PCCA: variants seen among roughly 807,000 people sequenced by gnomAD.
PCCA encodes the protein propionyl-CoA carboxylase subunit alpha, also known as propionyl-CoA carboxylase alpha chain, mitochondrial.
PCCA carries 74 observed loss-of-function variants against 101.3 expected under a neutral mutation model. The observed-to-expected ratio is 0.73, with a 90% CI of 0.61 to 0.89. PCCA has a LOEUF of 0.89. Among genes scored for constraint, PCCA ranks in the 40% least tolerant of loss-of-function variants. PCCA has a pLI of 0.00. For synonymous variants in PCCA, 294 were observed against 313.6 expected, an observed-to-expected ratio of 0.94 and a Z score of 0.66; for missense variants, 891 against 907.0, an observed-to-expected ratio of 0.98 and a Z score of 0.23.
At chr13:100,423,794 G>A (rs2078973375) in intron 19 of PCCA, among the ~76,000 whole-genome samples, 1 of 152,208 alleles carries the variant, frequency 6.6e-6, no homozygotes, top group Non-Finnish European at 1.5e-5. Flanking sequence ...CTGCTGAGGT[G>A]AGGTCTGGGA....
At chr13:100,103,581 G>A (rs1184843737) in intron 2 of PCCA, among the ~76,000 whole-genome samples, 2 of 151,046 alleles carry the variant, frequency 1.3e-5, no homozygotes, top group Non-Finnish European at 2.9e-5. Flanking sequence ...CAAAGTGCTG[G>A]GATTTCAGGC....
At chr13:100,468,244 G>C (rs2082693187) in intron 21 of PCCA, among the ~76,000 whole-genome samples, 1 of 152,108 alleles carries the variant, frequency 6.6e-6, no homozygotes, top group Admixed American at 6.5e-5. Flanking sequence ...GTACAGGTAG[G>C]GTAGACTTAG....
intron 20 of PCCA, among the ~76,000 whole-genome samples, chr13:100,439,215 T>C (rs2080167571): frequency 6.6e-6 from 1 of 152,208 alleles, no homozygotes; most frequent in Non-Finnish European, 1.5e-5. Context: ...TCCCCCTTAA[T>C]GTCAACCACA....
chr13:100,425,803 T>C (rs533634159), intron 20 of PCCA, 72 bp downstream of exon 20: 37 of 935,728 alleles, frequency 4.0e-5, no homozygotes, highest in South Asian at 1.2e-4. Context: ...GTGTGGCTAA[T>C]ACTTAGAGCT....
At chr13:100,298,541 C>G (rs1280791479) in intron 12 of PCCA, among the ~76,000 whole-genome samples, 1 of 150,476 alleles carries the variant, frequency 6.6e-6, no homozygotes, top group Non-Finnish European at 1.5e-5. Context: ...CAATTTTTGA[C>G]TTTTTTGTTT....
At chr13:100,433,316 A>G (rs947360941) in intron 20 of PCCA, among the ~76,000 whole-genome samples, 1 of 152,180 alleles carries the variant, frequency 6.6e-6, no homozygotes, top group Non-Finnish European at 1.5e-5. Flanking sequence ...TTTTTTAATA[A>G]TAGCCATCCT....
chr13:100,497,016 C>T (rs1052586066), intron 21 of PCCA, among the ~76,000 whole-genome samples: 3 of 152,156 alleles, frequency 2.0e-5, no homozygotes, highest in East Asian at 3.9e-4. Context: ...CTTGTTCTCA[C>T]GGGAGGCTGG....
chr13:100,433,295 G>A (rs1044353135), intron 20 of PCCA, among the ~76,000 whole-genome samples: 2 of 152,148 alleles, frequency 1.3e-5, no homozygotes, highest in African/African-American at 4.8e-5. Flanking sequence ...GTTATTTTCT[G>A]TTTTGTTTTG....
chr13:100,330,487 A>C (rs2069384903), intron 16 of PCCA, 74 bp from the exon 17 acceptor site: 7 of 893,830 alleles, frequency 7.8e-6, no homozygotes, highest in Middle Eastern at 5.4e-4. Flanking sequence ...AGTGATGATA[A>C]ATTTCTCCAG....
At chr13:100,299,167 T>C (rs1005783557) in intron 12 of PCCA, among the ~76,000 whole-genome samples, 4 of 152,178 alleles carry the variant, frequency 2.6e-5, no homozygotes, top group African/African-American at 9.6e-5. Context: ...TGCTTCTAAT[T>C]TGAATTACTT....
chr13:100,403,459 C>T (rs1200090488), intron 19 of PCCA, among the ~76,000 whole-genome samples: 1 of 152,060 alleles, frequency 6.6e-6, no homozygotes, highest in African/African-American at 2.4e-5. Flanking sequence ...AGGGAGCTTC[C>T]AATCACGGTG....
intron 4 of PCCA, among the ~76,000 whole-genome samples, chr13:100,123,025 T>C (rs1308862270): frequency 6.6e-6 from 1 of 152,210 alleles, no homozygotes; most frequent in Non-Finnish European, 1.5e-5. Context: ...AATAAGAAGA[T>C]TGTATTGAGT....
intron 12 of PCCA, among the ~76,000 whole-genome samples, chr13:100,295,330 A>G (rs575833423): frequency 6.6e-6 from 1 of 152,330 alleles, no homozygotes; most frequent in South Asian, 2.1e-4. Context: ...ATTTTATGTA[A>G]TGGGACAGTT....
At chr13:100,412,635 G>T (rs1213199949) in intron 19 of PCCA, among the ~76,000 whole-genome samples, 1 of 152,126 alleles carries the variant, frequency 6.6e-6, no homozygotes, top group African/African-American at 2.4e-5. Flanking sequence ...ACAAGTGCAT[G>T]CTTTATTATG....
chr13:100,275,050 AG>A (rs2063547726), intron 12 of PCCA, among the ~76,000 whole-genome samples: 2 of 852 alleles, frequency 2.3e-3, no homozygotes, highest in Admixed American at 0.011. Context: ...CCCTTGGGGG[AG>A]GGGGTGGGGG....
chr13:100,366,268 G>A (rs1228041565), intron 18 of PCCA, among the ~76,000 whole-genome samples: 1 of 152,126 alleles, frequency 6.6e-6, no homozygotes, highest in Admixed American at 6.5e-5. Context: ...GATAGGCGTA[G>A]TCCAGGGACA....
At chr13:100,412,985 T>G (rs1468529280) in intron 19 of PCCA, among the ~76,000 whole-genome samples, 1 of 152,214 alleles carries the variant, frequency 6.6e-6, no homozygotes, top group Admixed American at 6.5e-5. Flanking sequence ...TGTATTATAA[T>G]GTAAAATATA....
intron 4 of PCCA, among the ~76,000 whole-genome samples, chr13:100,120,222 A>G (rs928398633): frequency 2.1e-5 from 3 of 141,730 alleles, no homozygotes; most frequent in East Asian, 4.1e-4. Context: ...TCTGTTGCCC[A>G]GGCTGGAGTG....
intron 19 of PCCA, among the ~76,000 whole-genome samples, chr13:100,392,997 G>GGCTCCTGCTTCTCTTTTTACTA (rs562242845): frequency 0.012 from 1,881 of 152,208 alleles, 36 homozygotes; most frequent in African/African-American, 0.042. Flanking sequence ...GCCTCCTGAC[G>GGCTCCTGCTTCTCTTTTTACTA]GCTCCTGCTT....
Sources: gnomAD v4.1 joint callset for allele counts (sites outside exome capture counted in the v4.1 genomes callset) on GRCh38, gnomAD v4.1.1 for gene constraint, MANE v1.5 for transcripts, NCBI Gene and HGNC (gene_info 2026-07-23, HGNC 2026-07-21) for gene names.